Variants in PDGFD observed in about 807,000 individuals in gnomAD.
The protein encoded by PDGFD is platelet derived growth factor D.
A neutral mutation model predicts 44.7 loss-of-function variants in PDGFD; 30 were observed. The observed-to-expected ratio is 0.67, with a 90% CI of 0.50 to 0.91. PDGFD has a LOEUF of 0.91. Among genes scored for constraint, PDGFD ranks in the 40% least tolerant of loss-of-function variants. The probability of loss-of-function intolerance (pLI) is 0.00; values close to 1 mark genes in which losing one functional copy is unlikely to be tolerated. For synonymous variants in PDGFD, 173 were observed against 168.4 expected (o/e 1.03, Z -0.21); for missense variants, 445 against 457.8 (o/e 0.97, Z 0.25).
chr11:104,120,461 G>A (rs1252944309), intron 1 of PDGFD, among the ~76,000 whole-genome samples: 1 of 151,788 alleles, frequency 6.6e-6, no homozygotes, highest in Non-Finnish European at 1.5e-5. Flanking sequence ...CCCTATTACA[G>A]AATAGCATAA....
intron 3 of PDGFD, among the ~76,000 whole-genome samples, chr11:103,970,982 T>A (rs1457580100): frequency 6.6e-6 from 1 of 152,140 alleles, no homozygotes; most frequent in East Asian, 1.9e-4. Flanking sequence ...TGGAAAGAAA[T>A]CTACCCCATT....
In PDGFD at chr11:103,934,574, T is replaced by C. The variant is rs535513923; in HGVS notation, c.773-7448A>G. 1.2e-4 allele frequency among the ~76,000 whole-genome samples: 19 copies of C among 152,304 alleles called. 2 individuals carry two copies. In the South Asian group the frequency reaches 3.9e-3, roughly 32 times the overall value. On this transcript the variant is annotated intron_variant, in intron 5 of 6. Coordinates refer to ENST00000393158, the MANE Select transcript of PDGFD (RefSeq NM_025208.5). ...GGTTTAATGGCCTCACAGTTATGCA[T>C]TGCCTGGGAGGCCTAAGGAAACTTA...
intron 1 of PDGFD, among the ~76,000 whole-genome samples, chr11:104,149,793 T>C (rs2119900969): frequency 6.6e-6 from 1 of 152,250 alleles, no homozygotes; most frequent in South Asian, 2.1e-4. Flanking sequence ...AGCCGGAGTA[T>C]CCAGAGAAAA....
At position 103,943,621 on chromosome 11, in the gene PDGFD, C is replaced by T. The variant is rs776396736; in HGVS notation, c.603G>A (p.Thr201=). ...GAGCATCCGCAATCAGAGTGGGATC[C>T]GTTACTGATGGAGAGTTATAGGATA... ...SGVSYNSPSV[T]DPTLIADALD... The change falls in exon 5 of 7, where the codon ACG becomes ACA. Residue 201 remains threonine (T), a synonymous_variant. Transcript: ENST00000393158. The T allele has an allele frequency of 1.2e-5, 19 of 1,612,820 alleles. No individual in the cohort carries two copies. Among genetic ancestry groups the T allele is most frequent in the Admixed American group, 3.3e-5 (2 of 59,800 alleles).
At chr11:104,111,429 A>C (rs1171860956) in intron 1 of PDGFD, among the ~76,000 whole-genome samples, 1 of 151,666 alleles carries the variant, frequency 6.6e-6, no homozygotes, top group Admixed American at 6.6e-5. Flanking sequence ...TGCCTAGGTA[A>C]ATTTTTTCTG....
intron 5 of PDGFD, among the ~76,000 whole-genome samples, chr11:103,930,962 C>T (rs565451359): frequency 2.2e-4 from 34 of 152,272 alleles, no homozygotes; most frequent in Admixed American, 9.8e-4. Flanking sequence ...CACACTCTTC[C>T]TTTTGTCCTC....
chr11:103,984,652 A>G (rs1319841739), intron 3 of PDGFD, among the ~76,000 whole-genome samples: 1 of 151,418 alleles, frequency 6.6e-6, no homozygotes, highest in African/African-American at 2.4e-5. Flanking sequence ...ACATTTCTAC[A>G]TAAATCAAAT....
At chr11:104,024,865 T>C (rs898757759) in intron 1 of PDGFD, among the ~76,000 whole-genome samples, 42 of 152,252 alleles carry the variant, frequency 2.8e-4, no homozygotes, top group African/African-American at 9.6e-4. Context: ...TATTGAAGAA[T>C]GGATCTCAAG....
intron 5 of PDGFD, among the ~76,000 whole-genome samples, chr11:103,934,659 G>C (rs1446563959): frequency 2.0e-5 from 3 of 152,216 alleles, no homozygotes; most frequent in South Asian, 2.1e-4. Context: ...GCAGGAGGGA[G>C]AGCATGTGTG....
chr11:104,108,948 A>G (rs1191772707), intron 1 of PDGFD, among the ~76,000 whole-genome samples: 1 of 151,936 alleles, frequency 6.6e-6, no homozygotes. Flanking sequence ...AACTATTGCA[A>G]GAACAAAAAA....
chr11:103,995,759 G>T (rs886454313), intron 3 of PDGFD, among the ~76,000 whole-genome samples: 24 of 152,156 alleles, frequency 1.6e-4, no homozygotes, highest in African/African-American at 5.3e-4. Context: ...CTATTTGGCT[G>T]TATGTTTACC....
chr11:103,928,366 T>C (rs1324487374), intron 5 of PDGFD, among the ~76,000 whole-genome samples: 1 of 152,210 alleles, frequency 6.6e-6, no homozygotes, highest in African/African-American at 2.4e-5. Flanking sequence ...ATCCCATGAA[T>C]GTTAGGCAGT....
intron 6 of PDGFD, among the ~76,000 whole-genome samples, chr11:103,912,396 G>C (rs1210309410): frequency 6.6e-6 from 1 of 152,124 alleles, no homozygotes; most frequent in Non-Finnish European, 1.5e-5. Flanking sequence ...CTAAGTGAAG[G>C]AGAAATAAAA....
chr11:103,992,673 C>T (rs1234853830), intron 3 of PDGFD, among the ~76,000 whole-genome samples: 4 of 152,296 alleles, frequency 2.6e-5, no homozygotes, highest in African/African-American at 7.2e-5. Flanking sequence ...GGTTGAATTC[C>T]ACACATCAAA....
chr11:104,136,675 G>GT (rs1862009681), intron 1 of PDGFD, among the ~76,000 whole-genome samples: 1 of 152,138 alleles, frequency 6.6e-6, no homozygotes. Context: ...TAGCTTGGAT[G>GT]TAACTTTTCA....
chr11:104,126,032 G>A (rs1189021907), intron 1 of PDGFD, among the ~76,000 whole-genome samples: 1 of 150,802 alleles, frequency 6.6e-6, no homozygotes, highest in Non-Finnish European at 1.5e-5. Context: ...TGTGGTCACA[G>A]TAGCGGGGAA....
At chr11:103,981,806 G>T (rs534360378) in intron 3 of PDGFD, among the ~76,000 whole-genome samples, 2 of 151,800 alleles carry the variant, frequency 1.3e-5, no homozygotes, top group African/African-American at 4.9e-5. Flanking sequence ...CAATTATTAA[G>T]AAGCCCTAAG....
At position 104,163,891 on chromosome 11, in the gene PDGFD, C is replaced by A. The variant is rs199526521; in HGVS notation, c.37G>T (p.Ala13Ser). The change falls in exon 1 of 7, where the codon GCA becomes TCA. Residue 13 changes from alanine (A) to serine (S), a missense_variant. By Grantham distance (99) the Ala-to-Ser change is moderately conservative. Coordinates refer to ENST00000393158, the MANE Select transcript of PDGFD (RefSeq NM_025208.5). ...RLIFVYTLICANFCSCRDTSA... is the reference protein window; with the variant it reads ...RLIFVYTLICSNFCSCRDTSA... ...GTGTCCCGACAGCTGCAAAAGTTTG[C>A]GCAGATTAGAGTGTAGACAAAGATG... The A allele has an allele frequency of 1.0e-5, 16 of 1,574,428 alleles. No individual in the cohort carries two copies. Among genetic ancestry groups the A allele is most frequent in the African/African-American group, 1.3e-5 (1 of 74,388 alleles).
At chr11:103,999,777 G>A (rs962808424) in intron 2 of PDGFD, among the ~76,000 whole-genome samples, 10 of 152,192 alleles carry the variant, frequency 6.6e-5, no homozygotes, top group African/African-American at 2.4e-4. Context: ...CCTGGAAAAG[G>A]AGAGGACCTC....
Sources: allele counts gnomAD v4.1 joint callset (sites outside exome capture counted in the v4.1 genomes callset), GRCh38; gene constraint gnomAD v4.1.1; transcripts MANE v1.5; gene names NCBI Gene and HGNC (gene_info 2026-07-23, HGNC 2026-07-21).